DPP10: variants seen among roughly 807,000 people sequenced by gnomAD.
DPP10 encodes dipeptidyl peptidase like 10, also known as inactive dipeptidyl peptidase 10.
A neutral mutation model predicts 120.9 loss-of-function variants in DPP10; 33 were observed. That is an observed-to-expected ratio of 0.27 (90% CI 0.21 to 0.37). The LOEUF (loss-of-function observed/expected upper bound fraction) is 0.37, where lower values mean the gene tolerates loss of function less well. Among genes scored for constraint, DPP10 ranks in the 10% least tolerant of loss-of-function variants. The probability of loss-of-function intolerance (pLI) is 1.00; values close to 1 mark genes in which losing one functional copy is unlikely to be tolerated. For missense variants in DPP10, 816 were observed against 942.8 expected, an observed-to-expected ratio of 0.87 and a Z score of 1.76; for synonymous variants, 337 against 326.1, an observed-to-expected ratio of 1.03 and a Z score of -0.36.
chr2:114,443,242 G>C (rs1390043671), intron 1 of DPP10, among the ~76,000 whole-genome samples: 1 of 152,012 alleles, frequency 6.6e-6, no homozygotes, highest in Non-Finnish European at 1.5e-5. Flanking sequence ...ATGAATTTTG[G>C]ATCTCTTATC....
At position 115,274,972 on chromosome 2, in the gene DPP10, A is replaced by G. The variant is rs544685535; in HGVS notation, c.61-34267A>G. Among the ~76,000 whole-genome samples the G allele has an allele frequency of 1.1e-4, 16 of 152,206 alleles. No homozygotes were observed. In the South Asian group the frequency reaches 3.3e-3, roughly 32 times the overall value. ...GGTTCTATTCACAGAATAGAATCCTATTTTGTTTTCTTTTATATTAGAAAT... is the reference window on the plus strand; with the variant it reads ...GGTTCTATTCACAGAATAGAATCCTGTTTTGTTTTCTTTTATATTAGAAAT... On this transcript the variant is annotated intron_variant, in intron 1 of 25. Coordinates refer to ENST00000410059, the MANE Select transcript of DPP10 (RefSeq NM_020868.6).
intron 1 of DPP10, among the ~76,000 whole-genome samples, chr2:114,549,677 A>G (rs1257778323): frequency 1.0e-5 from 1 of 98,914 alleles, no homozygotes; most frequent in Non-Finnish European, 2.3e-5. Context: ...AAAAAAAAAA[A>G]AAAAAAAAGA....
intron 1 of DPP10, among the ~76,000 whole-genome samples, chr2:115,228,323 A>C (rs1158010396): frequency 6.6e-6 from 1 of 152,106 alleles, no homozygotes; most frequent in African/African-American, 2.4e-5. Context: ...TGGGGTGTCC[A>C]GCACCTTAAG....
At chr2:114,816,230 T>C (rs1346433288) in intron 1 of DPP10, among the ~76,000 whole-genome samples, 1 of 152,138 alleles carries the variant, frequency 6.6e-6, no homozygotes, top group East Asian at 1.9e-4. Flanking sequence ...AGGGCAAAGG[T>C]CAACAAACTT....
chr2:115,412,004 A>G (rs2068989997), intron 3 of DPP10, among the ~76,000 whole-genome samples: 1 of 152,150 alleles, frequency 6.6e-6, no homozygotes, highest in Admixed American at 6.5e-5. Context: ...CTTTTCAGAC[A>G]TTTATTAATG....
intron 1 of DPP10, among the ~76,000 whole-genome samples, chr2:115,088,622 T>C (rs1392368153): frequency 6.6e-6 from 1 of 151,432 alleles, no homozygotes; most frequent in African/African-American, 2.4e-5. Flanking sequence ...TTTTTAAAAT[T>C]ATCTGTAGAG....
rs568314613 is a variant in DPP10 at position 115,445,270 on chromosome 2, T to A, written c.272-54240T>A. Among the ~76,000 whole-genome samples the A allele has an allele frequency of 9.2e-5, 14 of 152,228 alleles. No individual in the cohort carries two copies. In the East Asian group the frequency reaches 2.5e-3, roughly 27 times the overall value. Reference sequence around the variant, plus strand: ...TGTGAAAACAGACTAATATAAGAAATTTGTACCAGAAGTGGGGTACTGCTA... The same window carrying A: ...TGTGAAAACAGACTAATATAAGAAAATTGTACCAGAAGTGGGGTACTGCTA... On this transcript the variant is annotated intron_variant, in intron 3 of 25. Coordinates refer to ENST00000410059, the MANE Select transcript of DPP10 (RefSeq NM_020868.6).
chr2:114,568,437 C>T (rs903344717), intron 1 of DPP10, among the ~76,000 whole-genome samples: 7 of 152,022 alleles, frequency 4.6e-5, no homozygotes, highest in Admixed American at 2.6e-4. Context: ...GATGCTTGAA[C>T]GAAGTACACA....
intron 1 of DPP10, among the ~76,000 whole-genome samples, chr2:114,675,930 G>T (rs1328896681): frequency 1.3e-5 from 2 of 151,952 alleles, no homozygotes; most frequent in African/African-American, 4.8e-5. Context: ...CTCCAGAGTA[G>T]CTGGGATTAC....
chr2:114,490,560 G>A (rs867323115), intron 1 of DPP10, among the ~76,000 whole-genome samples: 1 of 152,196 alleles, frequency 6.6e-6, no homozygotes, highest in Non-Finnish European at 1.5e-5. Flanking sequence ...GGCCACCGGT[G>A]TAGACTGGAG....
At chr2:114,830,046 G>A (rs970972595) in intron 1 of DPP10, among the ~76,000 whole-genome samples, 1 of 151,926 alleles carries the variant, frequency 6.6e-6, no homozygotes, top group African/African-American at 2.4e-5. Flanking sequence ...TCCTCTCCTG[G>A]GCTGATGGCC....
Position 115,036,184 on chromosome 2 carries a change from A to C in DPP10, c.61-273055A>C, listed in dbSNP as rs141324578. 2.0e-4 allele frequency among the ~76,000 whole-genome samples: 30 copies of C among 152,266 alleles called. No homozygotes were observed. The East Asian group carries it at 5.8e-3, about 29-fold the overall frequency. On this transcript the variant is annotated intron_variant, in intron 1 of 25. Coordinates refer to ENST00000410059, the MANE Select transcript of DPP10 (RefSeq NM_020868.6). ...AGGACAGAGTAAGTGCAAAGAGAGG[A>C]AATGCCAGACCCTTGTAAAATCATC...
intron 1 of DPP10, among the ~76,000 whole-genome samples, chr2:114,636,834 A>G (rs1169633666): frequency 6.6e-6 from 1 of 151,822 alleles, no homozygotes; most frequent in African/African-American, 2.4e-5. Context: ...TTGTGTCACA[A>G]ACAGTCCATA....
chr2:115,605,512 T>C (rs2083644940), intron 5 of DPP10, among the ~76,000 whole-genome samples: 1 of 152,106 alleles, frequency 6.6e-6, no homozygotes, highest in African/African-American at 2.4e-5. Flanking sequence ...TTCTCCAGAA[T>C]GTAAGGGAAG....
At chr2:114,542,653 G>A (rs564642345) in intron 1 of DPP10, among the ~76,000 whole-genome samples, 1 of 152,278 alleles carries the variant, frequency 6.6e-6, no homozygotes, top group East Asian at 1.9e-4. Context: ...GTGACCCTGG[G>A]TGTCTACTTA....
At chr2:115,769,702 T>C (rs1681224743) in intron 13 of DPP10, among the ~76,000 whole-genome samples, 1 of 151,978 alleles carries the variant, frequency 6.6e-6, no homozygotes, top group South Asian at 2.1e-4. Flanking sequence ...TTTGGATGTT[T>C]TTATATCTAG....
intron 1 of DPP10, among the ~76,000 whole-genome samples, chr2:115,074,779 A>G (rs1245182201): frequency 6.6e-6 from 1 of 152,194 alleles, no homozygotes; most frequent in Non-Finnish European, 1.5e-5. Context: ...CAGGATTTGC[A>G]TATCATGGGG....
At chr2:115,726,964 C>G (rs1399700739) in intron 7 of DPP10, among the ~76,000 whole-genome samples, 6 of 152,116 alleles carry the variant, frequency 3.9e-5, no homozygotes, top group Non-Finnish European at 7.4e-5. Context: ...TTGTGCTTCC[C>G]CTAACCAAAG....
At chr2:115,641,322 C>T (rs1366494508) in intron 5 of DPP10, among the ~76,000 whole-genome samples, 3 of 152,150 alleles carry the variant, frequency 2.0e-5, no homozygotes, top group Admixed American at 6.5e-5. Context: ...CAAGGCCCCG[C>T]GTGATTTGTC....
Sources: allele counts gnomAD v4.1 joint callset (sites outside exome capture counted in the v4.1 genomes callset), GRCh38; gene constraint gnomAD v4.1.1; transcripts MANE v1.5; gene names NCBI Gene and HGNC (gene_info 2026-07-23, HGNC 2026-07-21).